Variants in LCTL observed in about 807,000 individuals in gnomAD.
LCTL encodes the protein lactase like.
Under a neutral mutation model 75.8 loss-of-function variants are expected in LCTL, and 76 were observed. The ratio of observed to expected loss-of-function variants is 1.00; its 90% CI spans 0.83 to 1.21. LCTL has a LOEUF of 1.21. Ranked by LOEUF, LCTL falls within the 50% of genes most tolerant of loss-of-function variation. The probability of loss-of-function intolerance (pLI) is 0.00; values close to 1 mark genes in which losing one functional copy is unlikely to be tolerated. For synonymous variants in LCTL, 271 were observed against 268.8 expected, an observed-to-expected ratio of 1.01 and a Z score of -0.08; for missense variants, 670 against 712.4, an observed-to-expected ratio of 0.94 and a Z score of 0.68.
intron 6 of LCTL, 28 bp from the exon 8 acceptor site, chr15:66,558,064 G>A (rs959593830): frequency 6.3e-7 from 1 of 1,585,146 alleles, no homozygotes; most frequent in Non-Finnish European, 8.6e-7. Flanking sequence ...ATTCATCGTA[G>A]GTACCTGGCC....
chr15:66,561,389 C>T (rs994841654), intron 4 of LCTL, 74 bp from the exon 6 acceptor site: 1 of 1,563,406 alleles, frequency 6.4e-7, no homozygotes, highest in African/African-American at 1.4e-5. Flanking sequence ...AGCTGTGTGA[C>T]AGTCCTCAGA....
Position 66,551,650 on chromosome 15 carries a change from A to G in LCTL, c.1524+12T>C. The G allele has an allele frequency of 1.2e-6, 2 of 1,606,436 alleles. No homozygotes were observed. Among genetic ancestry groups the G allele is most frequent in the Non-Finnish European group, 1.7e-6 (2 of 1,173,526 alleles). On this transcript the variant is annotated intron_variant, in intron 11 of 12. Transcript: ENST00000341509. Reference sequence around the variant, plus strand: ...AAAGTTCAGAACAGATAACATTGATAATGAGGCCTACCTCTCTTGGATTGG... The same window carrying G: ...AAAGTTCAGAACAGATAACATTGATGATGAGGCCTACCTCTCTTGGATTGG...
chr15:66,559,219 A>G (rs1331691664), intron 6 of LCTL, among the ~76,000 whole-genome samples: 1 of 152,176 alleles, frequency 6.6e-6, no homozygotes, highest in Admixed American at 6.5e-5. Flanking sequence ...GATGTGTGTT[A>G]AAATTTGAGA....
At chr15:66,555,603 T>C (rs1895722649) in intron 8 of LCTL, among the ~76,000 whole-genome samples, 1 of 151,782 alleles carries the variant, frequency 6.6e-6, no homozygotes, top group African/African-American at 2.4e-5. Flanking sequence ...TGACAATTAA[T>C]TAGGCAGTTA....
At chr15:66,551,614 T>TAG in intron 11 of LCTL, 48 bp downstream of exon 12, 1 of 1,479,288 alleles carries the variant, frequency 6.8e-7, no homozygotes, top group Non-Finnish European at 9.4e-7. Flanking sequence ...TCCAGCTATC[T>TAG]AGCTCTTCCT....
chr15:66,565,131 G>A lies in LCTL; in HGVS notation c.118+117C>T, dbSNP rs1056897865. 13 of 774,278 alleles carry A rather than the reference G, an allele frequency of 1.7e-5. No homozygotes were observed. The African/African-American group carries it at 1.9e-4, about 12-fold the overall frequency. The allele number at this position is 774,278 out of a possible 1,614,324, so 48.0% of individuals were successfully genotyped here. A position where few individuals can be genotyped will look rare whatever the true frequency, so the allele number is the denominator to read the frequency against. ...GGAGCTTTTAGAACAACCACACAAA[G>A]GTAGGTTTCTCATCCTGCCAATCAG... On this transcript the variant is annotated intron_variant, in intron 1 of 12. Transcript: ENST00000341509.
At chr15:66,565,382 C>G (rs766701252) in exon 1 of LCTL, 1 of 1,515,072 alleles carries the variant, frequency 6.6e-7, no homozygotes, top group Admixed American at 1.9e-5. Context: ...TGGCCCTCCC[C>G]CATACCTGAA....
chr15:66,550,298 A>G (rs191404450), intron 11 of LCTL, among the ~76,000 whole-genome samples, 194 bp from the exon 13 acceptor site: 230 of 152,306 alleles, frequency 1.5e-3, no homozygotes, highest in Non-Finnish European at 2.5e-3. Context: ...TGAGGGAGTC[A>G]AAGAACAGTC....
At chr15:66,556,090 C>T (rs946128197) in intron 8 of LCTL, among the ~76,000 whole-genome samples, 8 of 152,008 alleles carry the variant, frequency 5.3e-5, no homozygotes, top group South Asian at 2.1e-4. Context: ...GAAAACAGTA[C>T]GATGCTTCCT....
intron 11 of LCTL, among the ~76,000 whole-genome samples, chr15:66,551,070 C>A (rs1895580275): frequency 1.3e-5 from 2 of 151,788 alleles, no homozygotes; most frequent in African/African-American, 4.8e-5. Context: ...AGATTTGGGC[C>A]AGGCGCGGTG....
chr15:66,555,609 A>G (rs1895722845), intron 8 of LCTL, among the ~76,000 whole-genome samples: 1 of 152,182 alleles, frequency 6.6e-6, no homozygotes, highest in Admixed American at 6.6e-5. Flanking sequence ...TTAATTAGGC[A>G]GTTATATCTT....
At chr15:66,564,478 T>A in intron 2 of LCTL, 198 bp downstream of exon 3, 1 of 596,234 alleles carries the variant, frequency 1.7e-6, no homozygotes, top group South Asian at 2.2e-5. Context: ...CCACCTCACA[T>A]CCTGGCCCCT....
intron 5 of LCTL, 21 bp downstream of exon 6, chr15:66,561,166 A>C (rs1595709826): frequency 6.2e-7 from 1 of 1,614,098 alleles, no homozygotes; most frequent in African/African-American, 1.3e-5. Context: ...ACATTCTCCC[A>C]CCTGGAGGGG....
exon 2 of LCTL, chr15:66,564,830 C>G (rs1417232003): frequency 8.1e-6 from 13 of 1,611,702 alleles, no homozygotes; most frequent in Non-Finnish European, 1.1e-5. Context: ...GCCCACGCCC[C>G]AGGAGAAGCC....
exon 1 of LCTL, chr15:66,565,378 TC>T: frequency 7.2e-6 from 11 of 1,531,694 alleles, no homozygotes; most frequent in Non-Finnish European, 9.9e-6. Flanking sequence ...TGCCTGGCCC[TC>T]CCCCATACCT....
chr15:66,554,168 G>A (rs1895686215), intron 8 of LCTL, among the ~76,000 whole-genome samples: 1 of 151,802 alleles, frequency 6.6e-6, no homozygotes, highest in South Asian at 2.1e-4. Context: ...GTGCGTGCCT[G>A]TAATCCCAGC....
At chr15:66,563,679 G>A in intron 3 of LCTL, 54 bp from the exon 5 acceptor site, 1 of 1,359,992 alleles carries the variant, frequency 7.4e-7, no homozygotes, top group South Asian at 1.2e-5. Context: ...CCTTGGCCTT[G>A]GCCTTCTGGA....
intron 11 of LCTL, 62 bp downstream of exon 12, chr15:66,551,600 G>C: frequency 7.4e-7 from 1 of 1,353,342 alleles, no homozygotes; most frequent in Non-Finnish European, 1.0e-6. Flanking sequence ...AGTTCTTTGT[G>C]TGTTCCAGCT....
intron 8 of LCTL, among the ~76,000 whole-genome samples, chr15:66,555,065 G>T (rs1895709085): frequency 6.6e-6 from 1 of 152,062 alleles, no homozygotes; most frequent in Non-Finnish European, 1.5e-5. Flanking sequence ...CATAAGAATA[G>T]TTCCAAAGAG....
Sources: allele counts gnomAD v4.1 joint callset (sites outside exome capture counted in the v4.1 genomes callset), GRCh38; gene constraint gnomAD v4.1.1; transcripts MANE v1.5; gene names NCBI Gene and HGNC (gene_info 2026-07-23, HGNC 2026-07-21).